Variants in SLC13A3 observed in about 807,000 individuals in gnomAD.
SLC13A3 encodes Na(+)/dicarboxylate cotransporter 3.
A neutral mutation model predicts 59.0 loss-of-function variants in SLC13A3; 40 were observed. The ratio of observed to expected loss-of-function variants is 0.68; its 90% CI spans 0.53 to 0.88. The LOEUF is 0.88. SLC13A3 is among the 40% of genes least tolerant of loss of function. SLC13A3 has a pLI of 0.00. For missense variants in SLC13A3, 699 were observed against 783.2 expected (o/e 0.89, Z 1.28); for synonymous variants, 317 against 330.3 (o/e 0.96, Z 0.44).
At chr20:46,658,272 T>G (rs1316095685) in intron 1 of SLC13A3, among the ~76,000 whole-genome samples, 2 of 152,166 alleles carry the variant, frequency 1.3e-5, no homozygotes, top group African/African-American at 4.8e-5. Flanking sequence ...TTCTGCATAA[T>G]TATATCTATA....
chr20:46,599,062 C>T (rs2122703664), intron 4 of SLC13A3, among the ~76,000 whole-genome samples: 1 of 152,336 alleles, frequency 6.6e-6, no homozygotes, highest in Non-Finnish European at 1.5e-5. Context: ...GCTCGCCTCC[C>T]CCACCCTTTT....
chr20:46,655,256 T>C (rs1300038147), upstream of SLC13A3, among the ~76,000 whole-genome samples: 1 of 150,906 alleles, frequency 6.6e-6, no homozygotes, highest in Non-Finnish European at 1.5e-5. Context: ...TATACACACG[T>C]ATATACACAT....
At chr20:46,593,844 T>C (rs996165234) in intron 5 of SLC13A3, among the ~76,000 whole-genome samples, 1 of 152,188 alleles carries the variant, frequency 6.6e-6, no homozygotes, top group Non-Finnish European at 1.5e-5. Context: ...ACACATTTAA[T>C]ATATGGACAT....
At chr20:46,560,625 TAC>T (rs1334407912) in intron 12 of SLC13A3, among the ~76,000 whole-genome samples, 1 of 151,908 alleles carries the variant, frequency 6.6e-6, no homozygotes, top group African/African-American at 2.4e-5. Flanking sequence ...CACACACATA[TAC>T]ACACACGCAT....
In SLC13A3 at chr20:46,683,731, C is replaced by T. The variant is rs2063164835; in HGVS notation, c.-31+665G>A. Among the ~76,000 whole-genome samples, 3 of 152,180 alleles carry T rather than the reference C, an allele frequency of 2.0e-5. No individual in the cohort carries two copies. In the South Asian group the frequency reaches 6.2e-4, roughly 32 times the overall value. Reference sequence around the variant, plus strand: ...GGTCCCTGTCCTTGATCTCCGTGACCATGAGACAACGAGCCTCGGGTGTTA... The same window carrying T: ...GGTCCCTGTCCTTGATCTCCGTGACTATGAGACAACGAGCCTCGGGTGTTA... On this transcript the variant is annotated intron_variant, in intron 1 of 6. Coordinates refer to the SLC13A3 transcript ENST00000372121.
At chr20:46,580,102 T>C (rs1353187020) in intron 9 of SLC13A3, among the ~76,000 whole-genome samples, 2 of 152,248 alleles carry the variant, frequency 1.3e-5, no homozygotes, top group Non-Finnish European at 2.9e-5. Context: ...GTTACAGGTA[T>C]GTGCCACCAC....
At chr20:46,682,317 T>A (rs1057014371) in intron 1 of SLC13A3, 33 of 152,384 alleles carry the variant, frequency 2.2e-4, no homozygotes, top group Middle Eastern at 3.4e-3. Flanking sequence ...ATGCCCTGCA[T>A]GCCTTCGCTA....
At chr20:46,610,335 A>G (rs1329933967) in intron 3 of SLC13A3, 111 bp downstream of exon 3, 7 of 939,482 alleles carry the variant, frequency 7.5e-6, no homozygotes. Flanking sequence ...GACGCATAGT[A>G]GGTGCTCAAT....
chr20:46,675,766 T>C (rs1022470663), intron 1 of SLC13A3, among the ~76,000 whole-genome samples: 4 of 151,944 alleles, frequency 2.6e-5, no homozygotes, highest in African/African-American at 9.7e-5. Context: ...TGAGATTTAA[T>C]AGAATTCCTG....
intron 4 of SLC13A3, among the ~76,000 whole-genome samples, chr20:46,597,600 C>A (rs1405282029): frequency 2.0e-5 from 3 of 152,094 alleles, no homozygotes; most frequent in Non-Finnish European, 1.5e-5. Context: ...CCATGCCCAG[C>A]TAATTTTTGT....
intron 6 of SLC13A3, among the ~76,000 whole-genome samples, chr20:46,591,610 C>T (rs896763672): frequency 6.6e-6 from 1 of 152,142 alleles, no homozygotes; most frequent in Non-Finnish European, 1.5e-5. Context: ...CTTTAGCACC[C>T]AACTGAGACT....
intron 9 of SLC13A3, among the ~76,000 whole-genome samples, chr20:46,581,213 A>G (rs1223062039): frequency 1.3e-5 from 2 of 152,194 alleles, no homozygotes; most frequent in African/African-American, 2.4e-5. Flanking sequence ...CCCTGCAACA[A>G]TAGCGCCTTC....
intron 3 of SLC13A3, among the ~76,000 whole-genome samples, chr20:46,601,480 G>A (rs568967650): frequency 1.3e-5 from 2 of 152,290 alleles, no homozygotes; most frequent in South Asian, 2.1e-4. Flanking sequence ...TCAGCAAATC[G>A]CTATGGAGCA....
chr20:46,617,592 G>GTA (rs11472037), intron 1 of SLC13A3, among the ~76,000 whole-genome samples: 28,183 of 99,036 alleles, frequency 0.28, 2,833 homozygotes, highest in East Asian at 0.51. Flanking sequence ...AAAAACTTGT[G>GTA]TGTGTGTGTG....
At position 46,592,521 on chromosome 20, in the gene SLC13A3, G is replaced by A. The variant is rs371509159; in HGVS notation, c.803C>T (p.Pro268Leu). ...GCCGAAATTCACCACGTCACACTGC[G>A]GAAAGAAACTGGAGAACAGCGGGAG... ...ILLGQLKSFF[P>L]QCDVVNFGSW... The change falls in exon 6 of 13, where the codon CCG becomes CTG. Residue 268 changes from proline (P) to leucine (L), a missense_variant. Pro to Leu is a moderately conservative substitution (Grantham distance 98). Coordinates refer to ENST00000279027, the MANE Select transcript of SLC13A3 (RefSeq NM_022829.6). The A allele has an allele frequency of 2.0e-5, 33 of 1,613,424 alleles. No individual in the cohort carries two copies. The highest frequency in any genetic ancestry group is 2.3e-5 in the Non-Finnish European group (27 of 1,179,660).
intron 1 of SLC13A3, among the ~76,000 whole-genome samples, chr20:46,658,107 C>G (rs1005950364): frequency 6.6e-6 from 1 of 152,000 alleles, no homozygotes; most frequent in African/African-American, 2.4e-5. Flanking sequence ...TCTTTGCTCC[C>G]CATGTGGCTT....
At chr20:46,576,435 A>C (rs1039913263) in intron 9 of SLC13A3, among the ~76,000 whole-genome samples, 4 of 152,144 alleles carry the variant, frequency 2.6e-5, no homozygotes, top group Non-Finnish European at 4.4e-5. Context: ...GCCCTTGACA[A>C]GTGACTTTGC....
At chr20:46,671,853 G>A (rs1303147950), upstream of SLC13A3, among the ~76,000 whole-genome samples, 1 of 152,198 alleles carries the variant, frequency 6.6e-6, no homozygotes, top group Non-Finnish European at 1.5e-5. Context: ...CTTGAAAACT[G>A]AGGCAGTCCC....
chr20:46,562,344 G>T lies in SLC13A3; in HGVS notation c.1632+1070C>A, dbSNP rs538797061. ...CCCAGCCTCCTGGCCCTGAATTTCT[G>T]GAGCACTCGCTGCTATTCCTCTCTT... On this transcript the variant is annotated intron_variant, in intron 12 of 12. Coordinates refer to ENST00000279027, the MANE Select transcript of SLC13A3 (RefSeq NM_022829.6). 2.2e-4 allele frequency among the ~76,000 whole-genome samples: 33 copies of T among 152,240 alleles called. No homozygotes were observed. In the East Asian group the frequency reaches 5.2e-3, roughly 24 times the overall value.
Sources: gnomAD v4.1 joint callset for allele counts (sites outside exome capture counted in the v4.1 genomes callset) on GRCh38, gnomAD v4.1.1 for gene constraint, MANE v1.5 for transcripts, NCBI Gene and HGNC (gene_info 2026-07-23, HGNC 2026-07-21) for gene names.